The following HTR1E variants were observed in gnomAD, a reference collection of about 807,000 sequenced individuals.
HTR1E encodes 5-HT-1E.
HTR1E carries 3 observed loss-of-function variants against 3.4 expected under a neutral mutation model. The observed-to-expected ratio is 0.89, with a 90% CI of 0.41 to 2.31. The LOEUF is 2.31. HTR1E is among the 30% of genes most tolerant of loss of function. HTR1E has a pLI of 0.05. For synonymous variants in HTR1E, 170 were observed against 182.8 expected (o/e 0.93, Z 0.56); for missense variants, 392 against 467.0 (o/e 0.84, Z 1.48).
intron 1 of HTR1E, among the ~76,000 whole-genome samples, chr6:86,987,049 C>A (rs1462873154): frequency 6.6e-6 from 1 of 152,032 alleles, no homozygotes; most frequent in Non-Finnish European, 1.5e-5. Flanking sequence ...GCAAGACAAC[C>A]AAATACAAAG....
At chr6:86,947,152 TAGTGGA>T (rs1366226371) in intron 1 of HTR1E, among the ~76,000 whole-genome samples, 2 of 152,170 alleles carry the variant, frequency 1.3e-5, no homozygotes, top group African/African-American at 4.8e-5. Flanking sequence ...TCCATGTATC[TAGTGGA>T]ATTGTACAAT....
chr6:86,953,214 A>T (rs1450162856), intron 1 of HTR1E, among the ~76,000 whole-genome samples: 1 of 152,200 alleles, frequency 6.6e-6, no homozygotes, highest in East Asian at 1.9e-4. Flanking sequence ...TAAGGAAAAA[A>T]TATGTTGGGA....
At chr6:86,984,070 C>T (rs949084669) in intron 1 of HTR1E, among the ~76,000 whole-genome samples, 1 of 152,064 alleles carries the variant, frequency 6.6e-6, no homozygotes, top group Non-Finnish European at 1.5e-5. Context: ...GTTTTCCAAA[C>T]TGCATCCTAG....
rs1399595063 is a variant in HTR1E at position 86,945,797 on chromosome 6, T to G, written c.-186+7974T>G. ...CCTCCCAGACTGGAGTGCAGTGGCG[T>G]GGTGATCCCAGTTCACTGCAACGTC... On this transcript the variant is annotated intron_variant, in intron 1 of 1. Coordinates refer to ENST00000305344, the MANE Select transcript of HTR1E (RefSeq NM_000865.3). Among the ~76,000 whole-genome samples the G allele has an allele frequency of 2.0e-5, 3 of 151,964 alleles. No individual in the cohort carries two copies. In the South Asian group the frequency reaches 6.2e-4, roughly 32 times the overall value.
chr6:87,000,225 C>G (rs887319675), intron 1 of HTR1E: 1 of 152,698 alleles, frequency 6.5e-6, no homozygotes, highest in African/African-American at 2.4e-5. Flanking sequence ...TTCCACATCT[C>G]CAACCAACTT....
At chr6:86,965,724 T>C (rs1381364889) in intron 1 of HTR1E, among the ~76,000 whole-genome samples, 1 of 152,190 alleles carries the variant, frequency 6.6e-6, no homozygotes, top group African/African-American at 2.4e-5. Flanking sequence ...ATATATGGTC[T>C]TCCTTATTCT....
chr6:86,973,714 G>A (rs899407288), intron 1 of HTR1E, among the ~76,000 whole-genome samples: 1 of 152,150 alleles, frequency 6.6e-6, no homozygotes, highest in Admixed American at 6.5e-5. Flanking sequence ...CCGCACAGGT[G>A]CAGCCAACAG....
At chr6:86,956,014 G>C (rs762095351) in intron 1 of HTR1E, among the ~76,000 whole-genome samples, 1 of 152,050 alleles carries the variant, frequency 6.6e-6, no homozygotes, top group Non-Finnish European at 1.5e-5. Context: ...TTCTCTCTTT[G>C]GAATTGGGGC....
intron 1 of HTR1E, among the ~76,000 whole-genome samples, chr6:86,975,095 T>C (rs1390085523): frequency 6.6e-6 from 1 of 152,190 alleles, no homozygotes; most frequent in Non-Finnish European, 1.5e-5. Context: ...GACTGCTCAG[T>C]GCACAAAACT....
chr6:86,972,177 C>A (rs1767567348), intron 1 of HTR1E, among the ~76,000 whole-genome samples: 1 of 152,052 alleles, frequency 6.6e-6, no homozygotes, highest in African/African-American at 2.4e-5. Context: ...GTTTCAATTG[C>A]CATCTTAAAA....
intron 1 of HTR1E, among the ~76,000 whole-genome samples, chr6:86,985,774 A>C (rs940019857): frequency 4.7e-4 from 71 of 152,192 alleles, no homozygotes; most frequent in African/African-American, 1.7e-3. Flanking sequence ...CCCAATTACC[A>C]GTATCTACCC....
At chr6:86,949,378 T>C (rs953165733) in intron 1 of HTR1E, among the ~76,000 whole-genome samples, 2 of 152,224 alleles carry the variant, frequency 1.3e-5, no homozygotes. Context: ...GCTGCTGTTG[T>C]TATTTTGAAG....
chr6:86,948,866 C>A (rs1767168072), intron 1 of HTR1E, among the ~76,000 whole-genome samples: 1 of 152,154 alleles, frequency 6.6e-6, no homozygotes, highest in Non-Finnish European at 1.5e-5. Context: ...ATGCCAGGAA[C>A]TGCAGGGACC....
intron 1 of HTR1E, among the ~76,000 whole-genome samples, chr6:86,956,615 A>G (rs1255619072): frequency 6.6e-6 from 1 of 152,148 alleles, no homozygotes; most frequent in Non-Finnish European, 1.5e-5. Context: ...CCTAAAATGT[A>G]TAAGACCAAG....
At chr6:86,939,014 T>TG (rs1346170518) in intron 1 of HTR1E, among the ~76,000 whole-genome samples, 1 of 152,242 alleles carries the variant, frequency 6.6e-6, no homozygotes, top group African/African-American at 2.4e-5. Flanking sequence ...TCTGATTCCC[T>TG]GTGCGGTCTC....
intron 1 of HTR1E, among the ~76,000 whole-genome samples, chr6:86,971,870 C>T (rs911516711): frequency 6.6e-6 from 1 of 152,060 alleles, no homozygotes; most frequent in African/African-American, 2.4e-5. Context: ...TCCATGTATA[C>T]CCAATGTTTA....
At chr6:86,969,242 G>A (rs1685085231) in intron 1 of HTR1E, among the ~76,000 whole-genome samples, 1 of 152,172 alleles carries the variant, frequency 6.6e-6, no homozygotes, top group African/African-American at 2.4e-5. Flanking sequence ...CAGGAAGCAG[G>A]AGGGGTGCCT....
At chr6:87,007,866 G>A (rs374392601) in intron 1 of HTR1E, among the ~76,000 whole-genome samples, 9 of 152,042 alleles carry the variant, frequency 5.9e-5, no homozygotes, top group East Asian at 3.9e-4. Flanking sequence ...ACTGGAAGGC[G>A]GAGGTTGCAG....
At chr6:86,952,230 T>C (rs1225698700) in intron 1 of HTR1E, among the ~76,000 whole-genome samples, 1 of 152,142 alleles carries the variant, frequency 6.6e-6, no homozygotes, top group African/African-American at 2.4e-5. Flanking sequence ...CATAGCTCCT[T>C]AGTTTCAATT....
Sources: gnomAD v4.1 joint callset for allele counts (sites outside exome capture counted in the v4.1 genomes callset) on GRCh38, gnomAD v4.1.1 for gene constraint, MANE v1.5 for transcripts, NCBI Gene and HGNC (gene_info 2026-07-23, HGNC 2026-07-21) for gene names.